Variants in CCNB3 observed in about 807,000 individuals in gnomAD.
CCNB3 encodes cyclin B3, also known as G2/mitotic-specific cyclin-B3.
A neutral mutation model predicts 68.0 loss-of-function variants in CCNB3; 12 were observed. The observed-to-expected ratio is 0.18, with a 90% CI of 0.11 to 0.29. CCNB3 has a LOEUF of 0.29. Ranked by LOEUF, CCNB3 falls within the 10% of genes least tolerant of loss-of-function variation. The pLI is 1.00. For missense variants in CCNB3, 904 were observed against 993.1 expected (o/e 0.91, Z 1.21); for synonymous variants, 354 against 388.9 (o/e 0.91, Z 1.06).
intron 8 of CCNB3, among the ~76,000 whole-genome samples, chrX:50,317,199 T>C (rs1445301467): frequency 1.8e-5 from 2 of 112,560 alleles, no homozygotes; most frequent in African/African-American, 3.2e-5. Flanking sequence ...ACAACCATAC[T>C]TGTCATGCAT....
In CCNB3 at chrX:50,284,609, G is replaced by A. The variant is rs73493796; in HGVS notation, c.-45G>A. On this transcript the variant is annotated 5_prime_UTR_variant, in exon 2 of 13. Coordinates refer to ENST00000376042, the MANE Select transcript of CCNB3 (RefSeq NM_033031.3). ...CTTTGAATACTGCCTGGCCTATCGCGAATACATGTGTGTGCAGTTATTGTT... is the reference window on the plus strand; with the variant it reads ...CTTTGAATACTGCCTGGCCTATCGCAAATACATGTGTGTGCAGTTATTGTT... 0.023 allele frequency: 2,642 copies of A among 114,023 alleles called. 65 individuals are homozygous for A. Among genetic ancestry groups the A allele is most frequent in the African/African-American group, 0.083 (2,534 of 30,705 alleles). The allele number at this position is 114,023 out of a possible 1,213,427, so 9.4% of individuals were successfully genotyped here.
At chrX:50,279,609 C>T (rs1046579427) in intron 1 of CCNB3, among the ~76,000 whole-genome samples, 4 of 85,128 alleles carry the variant, frequency 4.7e-5, no homozygotes, top group Non-Finnish European at 8.8e-5. Context: ...AATGTATATG[C>T]ATATGTACAT....
At chrX:50,348,193 A>G (rs1602255043) in intron 11 of CCNB3, among the ~76,000 whole-genome samples, 1 of 111,292 alleles carries the variant, frequency 9.0e-6, no homozygotes, top group Non-Finnish European at 1.9e-5. Flanking sequence ...AGAGAAGAGT[A>G]GTGAAAGCAA....
At chrX:50,223,976 A>T (rs1048705490) in intron 1 of CCNB3, among the ~76,000 whole-genome samples, 36 of 111,762 alleles carry the variant, frequency 3.2e-4, no homozygotes, top group African/African-American at 1.1e-3. Context: ...AGAGAGGAGG[A>T]ATCTAGAGAG....
At chrX:50,317,563 G>GTATGTATGTATA (rs1921792409) in intron 8 of CCNB3, among the ~76,000 whole-genome samples, 3 of 107,460 alleles carry the variant, frequency 2.8e-5, no homozygotes, top group Admixed American at 1.0e-4. Flanking sequence ...ATGTATGTAT[G>GTATGTATGTATA]TATGTATTTA....
chrX:50,207,007 G>A (rs78998360), intron 1 of CCNB3, among the ~76,000 whole-genome samples: 4 of 111,729 alleles, frequency 3.6e-5, no homozygotes, highest in Non-Finnish European at 7.5e-5. Flanking sequence ...AGAACACCCC[G>A]TAAAAAAGCC....
At position 50,308,927 on chromosome X, in the gene CCNB3, A is replaced by T. The variant is rs1370123857; in HGVS notation, c.758A>T (p.Asp253Val). ...CAGGAAGAGTCGTTGGCTGTGCAGG[A>T]TGTCAATATGGAAGAGGATTCCTTC... ...SCQEESLAVQ[D>V]VNMEEDSFFM... The change falls in exon 6 of 13, where the codon GAT becomes GTT. Residue 253 changes from aspartate to valine, a missense_variant. Coordinates refer to ENST00000376042, the MANE Select transcript of CCNB3 (RefSeq NM_033031.3). 23 of 1,209,799 alleles carry T rather than the reference A, an allele frequency of 1.9e-5. No individual in the cohort carries two copies. Among genetic ancestry groups the T allele is most frequent in the Non-Finnish European group, 2.5e-5 (22 of 895,193 alleles).
chrX:50,228,720 AATAT>A (rs1240588821), intron 1 of CCNB3, among the ~76,000 whole-genome samples: 1 of 62,813 alleles, frequency 1.6e-5, no homozygotes, highest in Non-Finnish European at 2.9e-5. Flanking sequence ...ATATATAAAG[AATAT>A]ATATAGAATA....
intron 8 of CCNB3, among the ~76,000 whole-genome samples, chrX:50,318,328 G>A (rs1049643005): frequency 9.1e-6 from 1 of 109,730 alleles, no homozygotes; most frequent in Non-Finnish European, 1.9e-5. Context: ...CCTGACCAAC[G>A]TGGTGAAACC....
Position 50,308,548 on chromosome X carries a change from G to A in CCNB3, c.379G>A (p.Val127Ile). The A allele has an allele frequency of 1.7e-6, 2 of 1,209,112 alleles. No individual in the cohort carries two copies. Among genetic ancestry groups the A allele is most frequent in the Non-Finnish European group, 2.2e-6 (2 of 893,767 alleles). ...VTPVVASTTV[V>I]PNIMEKPLIL... ...ACCAGTAGTAGCCTCTACTACCGTG[G>A]TACCAAACATTATGGAGAAACCACT... Residue 127 changes from valine (V) to isoleucine (I), a missense_variant, in exon 6 of 13, where the codon GTA becomes ATA. By Grantham distance (29) the Val-to-Ile change is conservative. This residue lies in a region of CCNB3 where 619 missense variants were observed against 609.8 expected (regional missense o/e 1.02). Coordinates refer to ENST00000376042, the MANE Select transcript of CCNB3 (RefSeq NM_033031.3).
chrX:50,311,481 G>T lies in CCNB3; in HGVS notation c.3312G>T (p.Lys1104Asn). The change falls in exon 6 of 13, where the codon AAG becomes AAT. Residue 1104 changes from lysine (K) to asparagine (N), a missense_variant. Around this residue, in one of 2 missense-constraint regions of CCNB3, gnomAD observed 285 missense variants for 383.4 expected, o/e 0.74. Coordinates refer to ENST00000376042, the MANE Select transcript of CCNB3 (RefSeq NM_033031.3). ...ATAAACCTGTCTCACCACAGGCCAA[G>T]GGAACACCAAAGGAGGTATTCATCT... The part of the protein sequence containing the change: ...ASDKPVSPQA[K>N]GTPKEITPRE... 1 of 1,197,709 alleles carries T rather than the reference G, an allele frequency of 8.3e-7. No homozygotes were observed.
At chrX:50,342,041 T>C in intron 8 of CCNB3, 161 bp from the exon 9 acceptor site, 1 of 539,313 alleles carries the variant, frequency 1.9e-6, no homozygotes, top group Non-Finnish European at 3.1e-6. Context: ...ACAGGAGATA[T>C]ACACAGGAAC....
At chrX:50,316,965 G>A (rs1331311553) in intron 8 of CCNB3, among the ~76,000 whole-genome samples, 1 of 112,231 alleles carries the variant, frequency 8.9e-6, no homozygotes, top group African/African-American at 3.2e-5. Flanking sequence ...ACACAGGAGT[G>A]GGATCATTGG....
Position 50,214,639 on chromosome X carries a change from TA to T in CCNB3, c.-113+9693del, listed in dbSNP as rs1935539385. ...ATATAATATTGTATTTTATGTATAA[TA>T]AAATATATAATGAAATATAATATAT... On this transcript the variant is annotated intron_variant, in intron 1 of 12. Transcript: ENST00000376042. 3.0e-5 allele frequency among the ~76,000 whole-genome samples: 3 copies of T among 99,963 alleles called. No homozygotes were observed. The East Asian group carries it at 9.3e-4, about 31-fold the overall frequency. 86.8% of individuals were successfully genotyped at this position (99,963 alleles called of 115,157 possible).
intron 3 of CCNB3, among the ~76,000 whole-genome samples, chrX:50,286,713 G>A (rs892863192): frequency 9.4e-5 from 10 of 106,449 alleles, no homozygotes; most frequent in Non-Finnish European, 1.9e-4. Context: ...GCAGTGACAC[G>A]ATCTCGGCTC....
intron 5 of CCNB3, among the ~76,000 whole-genome samples, chrX:50,296,105 T>C (rs966308012): frequency 3.6e-4 from 40 of 111,578 alleles, no homozygotes; most frequent in African/African-American, 1.3e-3. Context: ...ATTCTGACTT[T>C]ATTTTTTTAT....
At chrX:50,212,891 T>A (rs1935505007) in intron 1 of CCNB3, among the ~76,000 whole-genome samples, 1 of 110,779 alleles carries the variant, frequency 9.0e-6, no homozygotes, top group Non-Finnish European at 1.9e-5. Flanking sequence ...GTGGCAAGGG[T>A]TTTTATTGAG....
At chrX:50,324,005 G>A (rs1557216942) in intron 8 of CCNB3, among the ~76,000 whole-genome samples, 1 of 111,978 alleles carries the variant, frequency 8.9e-6, no homozygotes, top group Non-Finnish European at 1.9e-5. Context: ...AGTCATTTTT[G>A]TAGTTTATAT....
chrX:50,339,964 A>G (rs1239418329), intron 8 of CCNB3, among the ~76,000 whole-genome samples: 1 of 111,931 alleles, frequency 8.9e-6, no homozygotes, highest in Non-Finnish European at 1.9e-5. Context: ...AGAGGGGACA[A>G]CATCCAAACT....
Sources: allele counts gnomAD v4.1 joint callset (sites outside exome capture counted in the v4.1 genomes callset), GRCh38; gene constraint gnomAD v4.1.1; regional missense constraint gnomAD v4.1.1; transcripts MANE v1.5; gene names NCBI Gene and HGNC (gene_info 2026-07-23, HGNC 2026-07-21).